Variants in CMC1 observed in about 807,000 individuals in gnomAD.
CMC1 encodes COX assembly mitochondrial protein homolog.
A neutral mutation model predicts 14.1 loss-of-function variants in CMC1; 14 were observed. The observed-to-expected ratio is 0.99, with a 90% CI of 0.66 to 1.55. The LOEUF (loss-of-function observed/expected upper bound fraction) is 1.55. Ranked by LOEUF, CMC1 falls within the 40% of genes most tolerant of loss-of-function variation. The pLI is 0.00. For synonymous variants in CMC1, 50 were observed against 38.4 expected (o/e 1.30, Z -1.12); for missense variants, 127 against 123.8 (o/e 1.03, Z -0.12).
intron 2 of CMC1, among the ~76,000 whole-genome samples, chr3:28,263,680 T>TA (rs1491130074): frequency 3.3e-5 from 5 of 152,084 alleles, no homozygotes; most frequent in Non-Finnish European, 7.4e-5. Flanking sequence ...AAGTTACTCT[T>TA]ACGATTTTTA....
chr3:28,319,267 T>A (rs1270967106), intron 3 of CMC1: 3 of 544,374 alleles, frequency 5.5e-6, no homozygotes, highest in Non-Finnish European at 1.1e-5. Flanking sequence ...CACCGTGGGT[T>A]CCCAGGACAG....
At chr3:28,288,157 G>A (rs901600399) in intron 2 of CMC1, among the ~76,000 whole-genome samples, 3 of 151,994 alleles carry the variant, frequency 2.0e-5, no homozygotes, top group Non-Finnish European at 2.9e-5. Flanking sequence ...TTAAAAATAC[G>A]TTAATACTGG....
intron 2 of CMC1, among the ~76,000 whole-genome samples, chr3:28,312,320 G>T (rs1221551287): frequency 6.6e-6 from 1 of 152,138 alleles, no homozygotes; most frequent in Admixed American, 6.5e-5. Context: ...CAAATTAATG[G>T]AGATATGAAC....
intron 1 of CMC1, among the ~76,000 whole-genome samples, chr3:28,261,484 A>G (rs952198047): frequency 2.6e-5 from 4 of 152,180 alleles, no homozygotes; most frequent in Non-Finnish European, 5.9e-5. Flanking sequence ...AGATACATAT[A>G]TGAAAAAAGA....
At position 28,321,241 on chromosome 3, in the gene CMC1, G is replaced by C; in HGVS notation, c.*1612G>C. On this transcript the variant is annotated 3_prime_UTR_variant, in exon 4 of 4. Transcript: ENST00000466830. ...ATTTCCACATTGACCTTTGGTATTG[G>C]TGCATTTCCTAGAGCACAGGAAGTT... 6.6e-6 allele frequency: 1 copy of C among 151,460 alleles called. No individual in the cohort carries two copies. The highest frequency in any genetic ancestry group is 3.4e-3 in the Middle Eastern group (1 of 294). The allele number at this position is 151,460 out of a possible 1,614,324, so 9.4% of individuals were successfully genotyped here.
intron 1 of CMC1, among the ~76,000 whole-genome samples, chr3:28,252,139 C>T (rs1156587617): frequency 6.6e-5 from 10 of 152,170 alleles, no homozygotes; most frequent in African/African-American, 1.9e-4. Flanking sequence ...CTGGCCTCCT[C>T]TTGGTTAAAG....
intron 2 of CMC1, among the ~76,000 whole-genome samples, chr3:28,293,847 G>T (rs1701611355): frequency 6.6e-6 from 1 of 152,096 alleles, no homozygotes; most frequent in Admixed American, 6.6e-5. Context: ...CTCCCAAAAT[G>T]TTGGGATTAC....
rs1289191277 is a variant in CMC1, at chr3:28,320,506, A to C, written c.*877A>C. 6.6e-6 allele frequency: 1 copy of C among 151,418 alleles called. No individual in the cohort carries two copies. Among genetic ancestry groups the C allele is most frequent in the Non-Finnish European group, 1.5e-5 (1 of 67,630 alleles). 9.4% of individuals were successfully genotyped at this position (151,418 alleles called of 1,614,324 possible). A position where few individuals can be genotyped will look rare whatever the true frequency, so the allele number is the denominator to read the frequency against. Reference sequence around the variant, plus strand: ...AGCCTCATCACCCTATTACCTCTTAAAGGCTCCATTTCTTAGTCCTGTTAA... The same window carrying C: ...AGCCTCATCACCCTATTACCTCTTACAGGCTCCATTTCTTAGTCCTGTTAA... On this transcript the variant is annotated 3_prime_UTR_variant, in exon 4 of 4. Transcript: ENST00000466830.
At chr3:28,265,382 G>T (rs1334218904) in intron 2 of CMC1, among the ~76,000 whole-genome samples, 2 of 152,058 alleles carry the variant, frequency 1.3e-5, no homozygotes, top group African/African-American at 2.4e-5. Context: ...AGCAGCAGAA[G>T]AAAACTTCAT....
chr3:28,292,772 G>C (rs1400481698), intron 2 of CMC1: 1 of 152,096 alleles, frequency 6.6e-6, no homozygotes, highest in East Asian at 1.9e-4. Flanking sequence ...CTAAAAATGT[G>C]GTCTCCAGAA....
chr3:28,322,001 A>C lies in CMC1; in HGVS notation c.*2372A>C, dbSNP rs1703202127. 1 of 151,384 alleles carries C rather than the reference A, an allele frequency of 6.6e-6. No individual in the cohort carries two copies. The highest frequency in any genetic ancestry group is 1.9e-4 in the East Asian group (1 of 5,162). 9.4% of individuals were successfully genotyped at this position (151,384 alleles called of 1,614,324 possible). Reference sequence around the variant, plus strand: ...AAGTCAACATAAAATATTCAATTTTAAATAGATTCATAAGCTACAGATGGG... The same window carrying C: ...AAGTCAACATAAAATATTCAATTTTCAATAGATTCATAAGCTACAGATGGG... On this transcript the variant is annotated 3_prime_UTR_variant, in exon 4 of 4. Coordinates refer to ENST00000466830, the MANE Select transcript of CMC1 (RefSeq NM_182523.2).
At chr3:28,319,072 C>T in intron 3 of CMC1, 1 of 354,552 alleles carries the variant, frequency 2.8e-6, no homozygotes, top group South Asian at 2.2e-5. Flanking sequence ...TTTTCCTCAT[C>T]CATGTGTCTT....
chr3:28,288,334 T>C (rs1297156987), intron 2 of CMC1, among the ~76,000 whole-genome samples: 1 of 152,056 alleles, frequency 6.6e-6, no homozygotes, highest in African/African-American at 2.4e-5. Flanking sequence ...TCAAATAATT[T>C]AATAAAATTA....
At chr3:28,296,577 C>G (rs1701750836) in intron 2 of CMC1, among the ~76,000 whole-genome samples, 1 of 151,954 alleles carries the variant, frequency 6.6e-6, no homozygotes, top group East Asian at 1.9e-4. Context: ...TCTTTACTTT[C>G]TTTTGTTTTC....
chr3:28,272,098 G>A (rs532872989), intron 2 of CMC1, among the ~76,000 whole-genome samples: 7 of 152,228 alleles, frequency 4.6e-5, no homozygotes, highest in African/African-American at 1.4e-4. Context: ...TGCTGAAGTT[G>A]CTTATCAGCT....
intron 2 of CMC1, among the ~76,000 whole-genome samples, chr3:28,292,325 C>T (rs1392546643): frequency 6.6e-6 from 1 of 152,104 alleles, no homozygotes; most frequent in Non-Finnish European, 1.5e-5. Flanking sequence ...TGCAGTTTTA[C>T]CCAAAACTGT....
chr3:28,323,924 A>C lies in CMC1; in HGVS notation c.*4295A>C, dbSNP rs1703277616. ...TTGTACAGTGTGTTCAAATATAGAT[A>C]CTGAAGACCTCTGCAAAATTTTAAT... On this transcript the variant is annotated 3_prime_UTR_variant, in exon 4 of 4. Transcript: ENST00000466830. The C allele has an allele frequency of 5.1e-6, 6 of 1,177,752 alleles. No homozygotes were observed. The East Asian group carries it at 1.2e-4, about 24-fold the overall frequency. 73.0% of individuals were successfully genotyped at this position (1,177,752 alleles called of 1,614,324 possible).
At chr3:28,319,410 C>A in intron 3 of CMC1, 99 bp from the exon 4 acceptor site, 1 of 1,064,252 alleles carries the variant, frequency 9.4e-7, no homozygotes. Flanking sequence ...AAGATTGAGC[C>A]TGATGAACCA....
intron 1 of CMC1, among the ~76,000 whole-genome samples, chr3:28,258,008 A>G (rs1436095287): frequency 1.3e-5 from 2 of 149,888 alleles, no homozygotes; most frequent in Non-Finnish European, 3.0e-5. Flanking sequence ...TGCATACAAA[A>G]TGATATAAGG....
Sources: allele counts gnomAD v4.1 joint callset (sites outside exome capture counted in the v4.1 genomes callset), GRCh38; gene constraint gnomAD v4.1.1; transcripts MANE v1.5; gene names NCBI Gene and HGNC (gene_info 2026-07-23, HGNC 2026-07-21).